Variants in TASP1 observed in about 807,000 individuals in gnomAD.
The protein encoded by TASP1 is threonine aspartase 1.
Under a neutral mutation model 56.6 loss-of-function variants are expected in TASP1, and 16 were observed. That is an observed-to-expected ratio of 0.28 (90% CI 0.19 to 0.43). The LOEUF (loss-of-function observed/expected upper bound fraction) is 0.43, where lower values mean the gene tolerates loss of function less well. Among genes scored for constraint, TASP1 ranks in the 20% least tolerant of loss-of-function variants. The pLI, the probability that TASP1 is intolerant of heterozygous loss-of-function variation, is 1.00. For missense variants in TASP1, 393 were observed against 511.6 expected (o/e 0.77, Z 2.24); for synonymous variants, 179 against 184.2 (o/e 0.97, Z 0.23).
the TASP1 span, among the ~76,000 whole-genome samples, chr20:13,272,103 T>A: frequency 3.9e-5 from 6 of 152,090 alleles, no homozygotes; most frequent in Non-Finnish European, 7.4e-5. Flanking sequence ...TTGCTTCCAA[T>A]TCTTTCTATT....
intron 5 of TASP1, among the ~76,000 whole-genome samples, chr20:13,582,927 G>C (rs1201533257): frequency 6.6e-6 from 1 of 152,188 alleles, no homozygotes; most frequent in Non-Finnish European, 1.5e-5. Flanking sequence ...ACTGTAGGAG[G>C]AAAGTGTTGT....
At chr20:13,366,122 A>G in the TASP1 span, among the ~76,000 whole-genome samples, 1 of 152,198 alleles carries the variant, frequency 6.6e-6, no homozygotes, top group African/African-American at 2.4e-5. Context: ...GAAGACTTGG[A>G]ATATGTTTTG....
chr20:13,368,470 C>T, the TASP1 span: 2 of 152,310 alleles, frequency 1.3e-5, no homozygotes, highest in East Asian at 1.9e-4. Context: ...AAAAATAAAA[C>T]CACTTTATAG....
intron 12 of TASP1, among the ~76,000 whole-genome samples, chr20:13,429,656 CTG>C (rs988356577): frequency 2.0e-5 from 3 of 147,684 alleles, no homozygotes; most frequent in African/African-American, 5.2e-5. Flanking sequence ...GTGTGCCTGT[CTG>C]TGTGTGTGCT....
intron 11 of TASP1, among the ~76,000 whole-genome samples, chr20:13,465,629 C>T (rs1600881012): frequency 6.6e-6 from 1 of 152,058 alleles, no homozygotes; most frequent in East Asian, 1.9e-4. Flanking sequence ...ATGGTGTGTC[C>T]ACACCAGGGA....
In TASP1 at chr20:13,498,334, TG is replaced by T. The variant is rs1251130871; in HGVS notation, c.875-14998del. On this transcript the variant is annotated intron_variant, in intron 10 of 13. Transcript: ENST00000337743. Reference sequence around the variant, plus strand: ...AACAAACACTTTTTCTTTTCTTTTGTGTGTGTGTGTGTGTGTGTGTGTGTGT... The same window carrying T: ...AACAAACACTTTTTCTTTTCTTTTGTTGTGTGTGTGTGTGTGTGTGTGTGT... Among the ~76,000 whole-genome samples the T allele has an allele frequency of 3.4e-4, 11 of 32,526 alleles. No individual in the cohort carries two copies. The East Asian group carries it at 8.4e-3, about 25-fold the overall frequency. 21.3% of individuals were successfully genotyped at this position (32,526 alleles called of 152,430 possible). A position where few individuals can be genotyped will look rare whatever the true frequency, so the allele number is the denominator to read the frequency against.
At chr20:13,358,839 G>T in the TASP1 span, among the ~76,000 whole-genome samples, 3 of 148,950 alleles carry the variant, frequency 2.0e-5, no homozygotes, top group African/African-American at 7.6e-5. Flanking sequence ...CACCCTTAGC[G>T]GCAAGTCCCG....
intron 11 of TASP1, among the ~76,000 whole-genome samples, chr20:13,480,442 AAAC>A (rs2043098565): frequency 6.6e-6 from 1 of 152,222 alleles, no homozygotes; most frequent in Non-Finnish European, 1.5e-5. Context: ...GAACTCTTGC[AAAC>A]TAAGTTTCAG....
chr20:13,210,641 G>C, the TASP1 span, among the ~76,000 whole-genome samples: 1 of 151,754 alleles, frequency 6.6e-6, no homozygotes, highest in Non-Finnish European at 1.5e-5. Context: ...GTGTGTGTGT[G>C]TGTGTGTAAA....
the TASP1 span, among the ~76,000 whole-genome samples, chr20:13,341,804 A>C: frequency 0.18 from 27,268 of 152,138 alleles, 3,470 homozygotes; most frequent in African/African-American, 0.35. Flanking sequence ...TCTGTGATGA[A>C]ACGGAGGAAC....
the TASP1 span, among the ~76,000 whole-genome samples, chr20:13,290,506 G>A: frequency 2.0e-5 from 3 of 151,980 alleles, no homozygotes; most frequent in Non-Finnish European, 2.9e-5. Flanking sequence ...AATATTAGTC[G>A]GGCATGGTGG....
At chr20:13,549,423 GGT>G (rs138769695) in intron 8 of TASP1, among the ~76,000 whole-genome samples, 18 of 150,924 alleles carry the variant, frequency 1.2e-4, no homozygotes, top group South Asian at 8.4e-4. Context: ...ACTTGTAATA[GGT>G]GTGTGTGTGT....
the TASP1 span, among the ~76,000 whole-genome samples, chr20:13,135,796 A>G: frequency 6.6e-6 from 1 of 152,230 alleles, no homozygotes; most frequent in South Asian, 2.1e-4. Flanking sequence ...TTTCACCAAA[A>G]TGGCTATAAG....
the TASP1 span, among the ~76,000 whole-genome samples, chr20:13,146,069 T>C: frequency 6.6e-6 from 1 of 152,186 alleles, no homozygotes; most frequent in Non-Finnish European, 1.5e-5. Context: ...ATTTGGTACA[T>C]ATACACCATG....
the TASP1 span, among the ~76,000 whole-genome samples, chr20:13,219,726 C>T: frequency 4.6e-5 from 7 of 152,166 alleles, no homozygotes; most frequent in Non-Finnish European, 1.0e-4. Flanking sequence ...GCAGCAAGCC[C>T]TTCCTCTCCC....
At chr20:13,635,290 T>C (rs2049262094) in intron 1 of TASP1, among the ~76,000 whole-genome samples, 1 of 152,174 alleles carries the variant, frequency 6.6e-6, no homozygotes, top group South Asian at 2.1e-4. Context: ...TTTGATTCTC[T>C]TGATCACCTG....
At chr20:13,424,424 G>C (rs185108393) in intron 12 of TASP1, among the ~76,000 whole-genome samples, 1 of 152,274 alleles carries the variant, frequency 6.6e-6, no homozygotes, top group Admixed American at 6.5e-5. Flanking sequence ...GAAAATTGAA[G>C]TTTATGGTAA....
At chr20:13,197,035 A>C in the TASP1 span, among the ~76,000 whole-genome samples, 1 of 152,222 alleles carries the variant, frequency 6.6e-6, no homozygotes, top group Non-Finnish European at 1.5e-5. Context: ...GAGGGACTAT[A>C]AGGTCTGTTT....
chr20:13,605,308 A>G (rs921059355), intron 4 of TASP1, among the ~76,000 whole-genome samples: 7 of 152,216 alleles, frequency 4.6e-5, no homozygotes, highest in Non-Finnish European at 8.8e-5. Context: ...TACACTTTAC[A>G]TTGATCAATT....
Sources: allele counts gnomAD v4.1 joint callset (sites outside exome capture counted in the v4.1 genomes callset), GRCh38; gene constraint gnomAD v4.1.1; transcripts MANE v1.5; gene names NCBI Gene and HGNC (gene_info 2026-07-23, HGNC 2026-07-21).